The following TAS2R1 variants were observed in gnomAD, a reference collection of about 807,000 sequenced individuals.
The protein encoded by TAS2R1 is taste 2 receptor member 1.
For synonymous variants in TAS2R1, 141 were observed against 134.2 expected, an observed-to-expected ratio of 1.05 and a Z score of -0.35; for missense variants, 370 against 353.4, an observed-to-expected ratio of 1.05 and a Z score of -0.38.
chr5:9,743,069 A>T, the TAS2R1 span, among the ~76,000 whole-genome samples: 4 of 69,250 alleles, frequency 5.8e-5, no homozygotes, highest in South Asian at 1.7e-3. Flanking sequence ...ATAGGTGATT[A>T]AAAAAAAAAA....
chr5:9,718,517 G>GTGGC, the TAS2R1 span, among the ~76,000 whole-genome samples: 1 of 151,476 alleles, frequency 6.6e-6, no homozygotes, highest in Non-Finnish European at 1.5e-5. Context: ...GCTGGGTGCA[G>GTGGC]TGGCTCACAC....
chr5:9,853,504 G>C, the TAS2R1 span, among the ~76,000 whole-genome samples: 3 of 152,208 alleles, frequency 2.0e-5, no homozygotes, highest in Non-Finnish European at 4.4e-5. Context: ...TAACTTCCAG[G>C]TGTTGCCGTG....
chr5:9,694,180 A>C (rs769379651), intron 1 of TAS2R1, among the ~76,000 whole-genome samples: 3 of 152,222 alleles, frequency 2.0e-5, no homozygotes, highest in Non-Finnish European at 4.4e-5. Context: ...GACACTTTTA[A>C]GTGTAGCATC....
the TAS2R1 span, among the ~76,000 whole-genome samples, chr5:9,862,402 C>G: frequency 3.2e-4 from 48 of 152,222 alleles, no homozygotes; most frequent in African/African-American, 1.0e-3. Flanking sequence ...ACAGCCTAAC[C>G]TGCAGAAAAG....
At chr5:9,760,709 A>C in the TAS2R1 span, among the ~76,000 whole-genome samples, 1 of 152,264 alleles carries the variant, frequency 6.6e-6, no homozygotes, top group Non-Finnish European at 1.5e-5. Context: ...ATTTAAAGCC[A>C]TACCAAGATG....
chr5:9,628,986 C>T lies in TAS2R1; in HGVS notation c.*147G>A. 1 of 780,928 alleles carries T rather than the reference C, an allele frequency of 1.3e-6. No individual in the cohort carries two copies. 48.4% of individuals were successfully genotyped at this position (780,928 alleles called of 1,614,324 possible). ...TAACTGCTTGAAAAAGTAGCATATC[C>T]ACAGAAATACCTCAGGCTGGATAAA... On this transcript the variant is annotated 3_prime_UTR_variant, in exon 1 of 1. Transcript: ENST00000382492.
the TAS2R1 span, among the ~76,000 whole-genome samples, chr5:9,813,200 G>A: frequency 1.3e-5 from 2 of 152,114 alleles, no homozygotes; most frequent in South Asian, 4.1e-4. Context: ...GGGAGAAGAT[G>A]GTAACCTACA....
At chr5:9,763,729 T>G in the TAS2R1 span, among the ~76,000 whole-genome samples, 1 of 152,190 alleles carries the variant, frequency 6.6e-6, no homozygotes, top group South Asian at 2.1e-4. Flanking sequence ...TAGAGCCAAG[T>G]GCCGCAACCC....
chr5:9,739,153 C>G, the TAS2R1 span, among the ~76,000 whole-genome samples: 1 of 152,118 alleles, frequency 6.6e-6, no homozygotes, highest in African/African-American at 2.4e-5. Context: ...TCCAAAAGAC[C>G]CAACTGATAG....
chr5:9,822,076 T>C, the TAS2R1 span, among the ~76,000 whole-genome samples: 1 of 152,234 alleles, frequency 6.6e-6, no homozygotes, highest in Admixed American at 6.5e-5. Flanking sequence ...ACTACATTTT[T>C]GTGAGATTGG....
chr5:9,847,657 T>C, the TAS2R1 span, among the ~76,000 whole-genome samples: 2 of 152,018 alleles, frequency 1.3e-5, no homozygotes, highest in African/African-American at 4.8e-5. Context: ...CCAGCTGGAG[T>C]TGGTGCCACC....
the TAS2R1 span, among the ~76,000 whole-genome samples, chr5:9,893,968 C>A: frequency 6.6e-6 from 1 of 152,128 alleles, no homozygotes; most frequent in Non-Finnish European, 1.5e-5. Flanking sequence ...GTTGACCCTA[C>A]GAAAGTTCAT....
the TAS2R1 span, among the ~76,000 whole-genome samples, chr5:9,894,641 T>C: frequency 6.6e-6 from 1 of 152,214 alleles, no homozygotes; most frequent in Non-Finnish European, 1.5e-5. Context: ...TAGTAATTTG[T>C]TATGACAGCG....
chr5:9,687,072 C>T (rs1741139275), intron 1 of TAS2R1, among the ~76,000 whole-genome samples: 2 of 152,162 alleles, frequency 1.3e-5, no homozygotes, highest in South Asian at 4.1e-4. Flanking sequence ...TCAAGCGATT[C>T]TCCTGCCTCA....
At chr5:9,875,147 G>A in the TAS2R1 span, among the ~76,000 whole-genome samples, 1 of 152,154 alleles carries the variant, frequency 6.6e-6, no homozygotes, top group South Asian at 2.1e-4. Context: ...AGGCAGCTAG[G>A]CATCATTTCC....
the TAS2R1 span, among the ~76,000 whole-genome samples, chr5:9,721,857 C>G: frequency 6.6e-6 from 1 of 152,038 alleles, no homozygotes; most frequent in Non-Finnish European, 1.5e-5. Flanking sequence ...ACTATACTAC[C>G]TTCAACTTAT....
At chr5:9,699,558 A>AT (rs1000884785) in intron 1 of TAS2R1, among the ~76,000 whole-genome samples, 87 of 150,368 alleles carry the variant, frequency 5.8e-4, no homozygotes, top group African/African-American at 8.0e-4. Context: ...GGATTCTGTG[A>AT]TTTTTTTTTT....
the TAS2R1 span, among the ~76,000 whole-genome samples, chr5:9,834,753 T>TTA: frequency 4.1e-5 from 6 of 145,558 alleles, no homozygotes; most frequent in Non-Finnish European, 6.0e-5. Flanking sequence ...ATTACTGCAT[T>TTA]AAAAAAAAAA....
chr5:9,898,144 G>A, the TAS2R1 span, among the ~76,000 whole-genome samples: 1 of 152,104 alleles, frequency 6.6e-6, no homozygotes, highest in South Asian at 2.1e-4. Flanking sequence ...CCTAATAATT[G>A]TTCACGATAA....
Sources: allele counts gnomAD v4.1 joint callset (sites outside exome capture counted in the v4.1 genomes callset), GRCh38; gene constraint gnomAD v4.1.1; transcripts MANE v1.5; gene names NCBI Gene and HGNC (gene_info 2026-07-23, HGNC 2026-07-21).